Variants in LRMDA observed in about 807,000 individuals in gnomAD.
LRMDA encodes leucine-rich melanocyte differentiation-associated protein.
A neutral mutation model predicts 29.8 loss-of-function variants in LRMDA; 18 were observed. The ratio of observed to expected loss-of-function variants is 0.60; its 90% CI spans 0.42 to 0.90. LRMDA has a LOEUF of 0.90. Ranked by LOEUF, LRMDA falls within the 40% of genes least tolerant of loss-of-function variation. LRMDA has a pLI of 0.00. For missense variants in LRMDA, 273 were observed against 273.9 expected, an observed-to-expected ratio of 1.00 and a Z score of 0.02; for synonymous variants, 125 against 109.4, an observed-to-expected ratio of 1.14 and a Z score of -0.89.
At chr10:76,271,855 C>G (rs1840071839) in intron 5 of LRMDA, among the ~76,000 whole-genome samples, 1 of 152,126 alleles carries the variant, frequency 6.6e-6, no homozygotes, top group African/African-American at 2.4e-5. Flanking sequence ...GAATTAATTC[C>G]ATATACTTGT....
At chr10:75,546,968 T>C (rs1840088090) in intron 2 of LRMDA, among the ~76,000 whole-genome samples, 1 of 152,198 alleles carries the variant, frequency 6.6e-6, no homozygotes, top group Admixed American at 6.6e-5. Flanking sequence ...TTTGGGAAAG[T>C]GGTGGAGCTA....
chr10:76,438,150 G>T (rs979977305), intron 6 of LRMDA, among the ~76,000 whole-genome samples: 12 of 152,166 alleles, frequency 7.9e-5, no homozygotes, highest in Non-Finnish European at 1.5e-4. Flanking sequence ...TTCACATGTA[G>T]AAGGAAGAAT....
At chr10:75,649,852 T>C (rs550348910) in intron 2 of LRMDA, among the ~76,000 whole-genome samples, 1 of 152,238 alleles carries the variant, frequency 6.6e-6, no homozygotes, top group Non-Finnish European at 1.5e-5. Flanking sequence ...TGGCTTTTAT[T>C]TGTATTTCCC....
intron 2 of LRMDA, among the ~76,000 whole-genome samples, chr10:75,668,159 C>T (rs995743323): frequency 2.6e-5 from 4 of 152,340 alleles, no homozygotes; most frequent in Middle Eastern, 3.4e-3. Context: ...CTGTACCATA[C>T]CTGCCTGGAT....
chr10:76,137,715 A>G (rs1156832492), intron 5 of LRMDA, among the ~76,000 whole-genome samples: 1 of 152,046 alleles, frequency 6.6e-6, no homozygotes, highest in East Asian at 1.9e-4. Context: ...CAACACCAAA[A>G]ACAACGAAAT....
At chr10:75,751,323 G>A (rs1379271468) in intron 2 of LRMDA, among the ~76,000 whole-genome samples, 2 of 151,638 alleles carry the variant, frequency 1.3e-5, no homozygotes, top group East Asian at 1.9e-4. Context: ...GGGAGAGGGA[G>A]AGGGAGACCG....
intron 5 of LRMDA, among the ~76,000 whole-genome samples, chr10:76,301,206 A>G (rs143009325): frequency 2.6e-5 from 4 of 152,384 alleles, no homozygotes; most frequent in African/African-American, 4.8e-5. Context: ...TTAAGTTACC[A>G]TTATCCTTGT....
At chr10:76,379,017 C>T (rs1017449812) in intron 6 of LRMDA, among the ~76,000 whole-genome samples, 2 of 151,956 alleles carry the variant, frequency 1.3e-5, no homozygotes, top group African/African-American at 4.8e-5. Flanking sequence ...CCACCACGCT[C>T]AGCTACTTTT....
At chr10:75,549,188 A>G (rs2132053671) in intron 2 of LRMDA, among the ~76,000 whole-genome samples, 1 of 152,250 alleles carries the variant, frequency 6.6e-6, no homozygotes, top group Non-Finnish European at 1.5e-5. Flanking sequence ...TATTGTGTGA[A>G]TGTATCAGAA....
At chr10:75,903,827 A>T (rs1845717259) in intron 2 of LRMDA, among the ~76,000 whole-genome samples, 1 of 152,156 alleles carries the variant, frequency 6.6e-6, no homozygotes, top group Non-Finnish European at 1.5e-5. Flanking sequence ...TGCCTACTAA[A>T]GATTTAGGTT....
At chr10:76,330,039 GA>G (rs1336680637) in intron 6 of LRMDA, among the ~76,000 whole-genome samples, 3 of 152,188 alleles carry the variant, frequency 2.0e-5, no homozygotes. Context: ...ATGTTGGCCA[GA>G]AAAACTTCAT....
chr10:75,586,149 A>G (rs1383556989), intron 2 of LRMDA, among the ~76,000 whole-genome samples: 3 of 152,100 alleles, frequency 2.0e-5, no homozygotes, highest in African/African-American at 7.2e-5. Flanking sequence ...GTGCTAATGT[A>G]TCCCTTCAAG....
intron 4 of LRMDA, among the ~76,000 whole-genome samples, chr10:76,052,151 T>A (rs1003734907): frequency 6.6e-6 from 1 of 152,198 alleles, no homozygotes; most frequent in Admixed American, 6.5e-5. Context: ...AGGTAGCGCA[T>A]CAGTAGCTTG....
intron 6 of LRMDA, among the ~76,000 whole-genome samples, chr10:76,373,030 C>T (rs1262178449): frequency 2.0e-5 from 3 of 152,066 alleles, no homozygotes; most frequent in Admixed American, 6.5e-5. Flanking sequence ...ATAAGCCTAT[C>T]GAAGACCATG....
At chr10:76,488,479 G>GT (rs1554823769) in intron 6 of LRMDA, among the ~76,000 whole-genome samples, 1 of 148,414 alleles carries the variant, frequency 6.7e-6, no homozygotes, top group African/African-American at 2.5e-5. Context: ...ATTCAACCAT[G>GT]TGTGTATCAA....
intron 2 of LRMDA, among the ~76,000 whole-genome samples, chr10:75,669,472 A>G (rs1197331552): frequency 6.6e-6 from 1 of 152,214 alleles, no homozygotes; most frequent in Non-Finnish European, 1.5e-5. Context: ...CAAGGGTTGC[A>G]TTTCTAAGTC....
intron 2 of LRMDA, among the ~76,000 whole-genome samples, chr10:75,590,157 G>T (rs1038607977): frequency 1.3e-5 from 2 of 151,588 alleles, no homozygotes; most frequent in Admixed American, 1.3e-4. Flanking sequence ...TAGCTGGGAC[G>T]ACAGGCATGT....
chr10:76,090,943 C>G (rs75380886), intron 5 of LRMDA, among the ~76,000 whole-genome samples: 1,645 of 152,262 alleles, frequency 0.011, 35 homozygotes, highest in African/African-American at 0.037. Context: ...GTATTTACCA[C>G]TACTGAGCTA....
At chr10:76,041,126 G>A (rs1848332294) in intron 3 of LRMDA, among the ~76,000 whole-genome samples, 1 of 152,190 alleles carries the variant, frequency 6.6e-6, no homozygotes, top group Admixed American at 6.5e-5. Flanking sequence ...TAATATGTAG[G>A]AAATCACTTT....
Sources: allele counts gnomAD v4.1 joint callset (sites outside exome capture counted in the v4.1 genomes callset), GRCh38; gene constraint gnomAD v4.1.1; transcripts MANE v1.5; gene names NCBI Gene and HGNC (gene_info 2026-07-23, HGNC 2026-07-21).